CSMD1: variants seen among roughly 807,000 people sequenced by gnomAD.
CSMD1 encodes CUB and sushi domain-containing protein 1.
In CSMD1, 213 loss-of-function variants were observed where a neutral mutation model predicts 417.5. The observed-to-expected ratio is 0.51, with a 90% confidence interval of 0.46 to 0.57. CSMD1 has a LOEUF of 0.57. CSMD1 is among the 20% of genes least tolerant of loss of function. The probability of loss-of-function intolerance (pLI) is 0.00; values close to 1 mark genes in which losing one functional copy is unlikely to be tolerated. For missense variants in CSMD1, 6,923 were observed against 4,529.7 expected (o/e 1.53, Z -15.17); for synonymous variants, 2,862 against 1,736.8 (o/e 1.65, Z -16.11).
intron 3 of CSMD1, among the ~76,000 whole-genome samples, chr8:4,329,370 CCT>C (rs1183898691): frequency 6.6e-6 from 1 of 152,130 alleles, no homozygotes; most frequent in Non-Finnish European, 1.5e-5. Context: ...CTCACTTTAA[CCT>C]CTGTCTCCCA....
intron 3 of CSMD1, among the ~76,000 whole-genome samples, chr8:4,146,168 A>C (rs899640635): frequency 6.6e-6 from 1 of 150,512 alleles, no homozygotes; most frequent in South Asian, 2.1e-4. Context: ...CCAGCCTCAT[A>C]CTCCGCTGGC....
chr8:4,471,453 G>T (rs895928538), intron 2 of CSMD1, among the ~76,000 whole-genome samples: 1 of 152,112 alleles, frequency 6.6e-6, no homozygotes, highest in East Asian at 1.9e-4. Flanking sequence ...CAAGCCTCTC[G>T]ACAAAATCAT....
chr8:3,851,741 A>G (rs1189925971), intron 5 of CSMD1, among the ~76,000 whole-genome samples: 1 of 152,204 alleles, frequency 6.6e-6, no homozygotes, highest in East Asian at 1.9e-4. Context: ...AGAGAACAAG[A>G]AGGTGAGGAA....
intron 1 of CSMD1, among the ~76,000 whole-genome samples, chr8:4,870,885 C>T (rs189488610): frequency 1.3e-5 from 2 of 152,148 alleles, no homozygotes; most frequent in African/African-American, 2.4e-5. Flanking sequence ...ATTGTGTCAC[C>T]TGGCCCTTTG....
intron 3 of CSMD1, among the ~76,000 whole-genome samples, chr8:4,262,181 G>A (rs1035906537): frequency 5.9e-5 from 9 of 152,124 alleles, no homozygotes; most frequent in African/African-American, 2.2e-4. Flanking sequence ...ATTTGCTTTT[G>A]ACTCTCTTGG....
At chr8:2,981,979 T>C (rs73502827) in intron 54 of CSMD1, among the ~76,000 whole-genome samples, 2,729 of 152,066 alleles carry the variant, frequency 0.018, 88 homozygotes, top group African/African-American at 0.062. Context: ...ATTCTAGAGG[T>C]GACTCATTAA....
At chr8:3,173,342 A>G (rs1228093557) in intron 37 of CSMD1, among the ~76,000 whole-genome samples, 1 of 152,216 alleles carries the variant, frequency 6.6e-6, no homozygotes, top group Non-Finnish European at 1.5e-5. Flanking sequence ...GACAGAAGCC[A>G]GAATTTACAT....
intron 5 of CSMD1, among the ~76,000 whole-genome samples, chr8:3,765,109 G>C (rs1798199815): frequency 6.6e-6 from 1 of 152,110 alleles, no homozygotes; most frequent in African/African-American, 2.4e-5. Context: ...GAGGTCAACT[G>C]TCTTAGTACT....
chr8:3,995,976 G>T (rs571366626), intron 5 of CSMD1, among the ~76,000 whole-genome samples: 9 of 152,254 alleles, frequency 5.9e-5, no homozygotes, highest in African/African-American at 2.2e-4. Context: ...AGAAGACAGT[G>T]GTAGTCTCTC....
intron 5 of CSMD1, among the ~76,000 whole-genome samples, chr8:3,798,341 G>A (rs141329900): frequency 3.3e-4 from 50 of 152,076 alleles, no homozygotes; most frequent in African/African-American, 1.2e-3. Context: ...TATATCTGAT[G>A]GCAGTAAGTC....
chr8:3,589,522 A>T (rs111694858), intron 8 of CSMD1, among the ~76,000 whole-genome samples: 31 of 152,298 alleles, frequency 2.0e-4, no homozygotes, highest in African/African-American at 7.0e-4. Flanking sequence ...AAAATGAACC[A>T]GGCACAGAAA....
At chr8:4,157,589 G>C (rs766757324) in intron 3 of CSMD1, among the ~76,000 whole-genome samples, 2 of 152,140 alleles carry the variant, frequency 1.3e-5, no homozygotes, top group South Asian at 2.1e-4. Flanking sequence ...CCCTCTGCCG[G>C]TCATGTAACA....
intron 3 of CSMD1, among the ~76,000 whole-genome samples, chr8:4,050,143 G>C (rs536378129): frequency 1.1e-4 from 16 of 152,252 alleles, no homozygotes; most frequent in African/African-American, 3.6e-4. Flanking sequence ...TCTCGTCGCA[G>C]CATGCCAGGG....
At chr8:4,939,577 G>C (rs990496699) in intron 1 of CSMD1, among the ~76,000 whole-genome samples, 6 of 150,356 alleles carry the variant, frequency 4.0e-5, no homozygotes, top group African/African-American at 7.3e-5. Flanking sequence ...TTGCTTACAT[G>C]TAGAATCTAA....
intron 54 of CSMD1, among the ~76,000 whole-genome samples, chr8:2,996,623 C>G (rs585163): frequency 1.3e-5 from 2 of 152,178 alleles, no homozygotes; most frequent in Non-Finnish European, 2.9e-5. Context: ...AGGCCCTGCT[C>G]CATACTTCCT....
At chr8:3,693,213 G>A (rs1426602367) in intron 7 of CSMD1, among the ~76,000 whole-genome samples, 2 of 152,152 alleles carry the variant, frequency 1.3e-5, no homozygotes, top group African/African-American at 2.4e-5. Context: ...TTCATCAAAT[G>A]CTTGTCACGA....
chr8:3,956,024 A>G (rs1237105851), intron 5 of CSMD1, among the ~76,000 whole-genome samples: 1 of 152,068 alleles, frequency 6.6e-6, no homozygotes, highest in Non-Finnish European at 1.5e-5. Context: ...CGAACTCCTG[A>G]CCTCAGGTGA....
intron 1 of CSMD1, chr8:4,787,802 T>C: frequency 6.4e-7 from 1 of 1,573,456 alleles, no homozygotes. Flanking sequence ...GAATTGGATA[T>C]CATGAGTCAT....
chr8:3,822,153 T>TA (rs1801771552), intron 5 of CSMD1, among the ~76,000 whole-genome samples: 1 of 152,162 alleles, frequency 6.6e-6, no homozygotes, highest in African/African-American at 2.4e-5. Flanking sequence ...GAACTTCTCC[T>TA]TTCTGAGCCA....
Sources: allele counts gnomAD v4.1 joint callset (sites outside exome capture counted in the v4.1 genomes callset), GRCh38; gene constraint gnomAD v4.1.1; transcripts MANE v1.5; gene names NCBI Gene and HGNC (gene_info 2026-07-23, HGNC 2026-07-21).